The following PTPRG variants were observed in gnomAD, a reference collection of about 807,000 sequenced individuals.
PTPRG encodes the protein receptor-type tyrosine-protein phosphatase gamma.
In PTPRG, 102 loss-of-function variants were observed where a neutral mutation model predicts 165.3. The observed-to-expected ratio is 0.62, with a 90% CI of 0.53 to 0.73. The LOEUF (loss-of-function observed/expected upper bound fraction) is 0.73, where lower values mean the gene tolerates loss of function less well. PTPRG is among the 30% of genes least tolerant of loss of function. The probability of loss-of-function intolerance (pLI) is 0.00; values close to 1 mark genes in which losing one functional copy is unlikely to be tolerated. For synonymous variants in PTPRG, 675 were observed against 669.5 expected (o/e 1.01, Z -0.13); for missense variants, 1,866 against 1,861.4 (o/e 1.00, Z -0.05).
At chr3:61,747,502 T>A (rs770982303) in intron 1 of PTPRG, among the ~76,000 whole-genome samples, 1 of 152,208 alleles carries the variant, frequency 6.6e-6, no homozygotes, top group Non-Finnish European at 1.5e-5. Context: ...TTTTTAGGCT[T>A]GTGTTGAGAA....
intron 1 of PTPRG, among the ~76,000 whole-genome samples, chr3:61,672,756 GAGGGAGAAGAGGGAGAGGGA>G (rs1703068750): frequency 6.9e-6 from 1 of 144,534 alleles, no homozygotes; most frequent in Admixed American, 6.8e-5. Flanking sequence ...GGGAGAGGGA[GAGGGAGAAGAGGGAGAGGGA>G]GAGAGGGAGA....
chr3:61,794,858 T>G (rs1035292514), intron 2 of PTPRG, among the ~76,000 whole-genome samples: 2 of 152,196 alleles, frequency 1.3e-5, no homozygotes, highest in Non-Finnish European at 2.9e-5. Context: ...TGTTTTATAC[T>G]CTATAACTTC....
At chr3:61,903,514 C>G (rs1240160479) in intron 2 of PTPRG, among the ~76,000 whole-genome samples, 5 of 152,158 alleles carry the variant, frequency 3.3e-5, no homozygotes, top group Admixed American at 3.3e-4. Context: ...GTTGGGATTA[C>G]AGGTGCCTAC....
At chr3:62,256,280 C>T (rs1310221996) in intron 16 of PTPRG, among the ~76,000 whole-genome samples, 2 of 152,214 alleles carry the variant, frequency 1.3e-5, no homozygotes, top group South Asian at 4.1e-4. Flanking sequence ...GAAATAAAAA[C>T]AGGATGAAAA....
intron 2 of PTPRG, among the ~76,000 whole-genome samples, chr3:61,791,834 A>G (rs2034884583): frequency 6.6e-6 from 1 of 152,202 alleles, no homozygotes; most frequent in Admixed American, 6.5e-5. Flanking sequence ...TCTATAAACT[A>G]CAAGTGTCTG....
intron 2 of PTPRG, among the ~76,000 whole-genome samples, chr3:61,838,906 A>G (rs937699539): frequency 5.9e-5 from 9 of 152,220 alleles, no homozygotes; most frequent in Middle Eastern, 6.3e-3. Flanking sequence ...GGAGCTATAT[A>G]AAATCTAAGC....
At chr3:61,604,575 C>A (rs1242436089) in intron 1 of PTPRG, among the ~76,000 whole-genome samples, 3 of 152,258 alleles carry the variant, frequency 2.0e-5, no homozygotes, top group East Asian at 1.9e-4. Flanking sequence ...CTCAACCAGC[C>A]TGTAATGTAA....
chr3:62,265,896 T>TACACACACACACACAC (rs143246257), intron 17 of PTPRG, among the ~76,000 whole-genome samples: 1,656 of 130,552 alleles, frequency 0.013, 21 homozygotes, highest in Middle Eastern at 0.036. Context: ...GTGCCTTATA[T>TACACACACACACACAC]ACACACACAC....
chr3:61,607,005 G>A (rs1411852193), intron 1 of PTPRG, among the ~76,000 whole-genome samples: 1 of 152,230 alleles, frequency 6.6e-6, no homozygotes, highest in Non-Finnish European at 1.5e-5. Context: ...CGTGATAGAA[G>A]TGAGGATGAA....
intron 2 of PTPRG, among the ~76,000 whole-genome samples, chr3:61,886,325 A>C (rs929848931): frequency 6.6e-6 from 1 of 152,132 alleles, no homozygotes; most frequent in Non-Finnish European, 1.5e-5. Flanking sequence ...GACACACAAA[A>C]GTAAACCTTT....
chr3:61,603,201 A>C (rs1205324865), intron 1 of PTPRG, among the ~76,000 whole-genome samples: 1 of 152,158 alleles, frequency 6.6e-6, no homozygotes, highest in East Asian at 1.9e-4. Context: ...CCTTAGGGCT[A>C]CTGATAAAGT....
intron 5 of PTPRG, among the ~76,000 whole-genome samples, chr3:62,104,521 G>A: frequency 6.6e-6 from 1 of 152,270 alleles, no homozygotes; most frequent in South Asian, 2.1e-4. Flanking sequence ...TGCTCATTCA[G>A]TTATCCACTT....
intron 2 of PTPRG, among the ~76,000 whole-genome samples, chr3:61,960,807 C>T (rs2040134681): frequency 6.6e-6 from 1 of 152,032 alleles, no homozygotes; most frequent in African/African-American, 2.4e-5. Context: ...GTGTTCTGAC[C>T]ACTGTCCCCT....
At chr3:61,740,821 CAGTA>C (rs1346018662) in intron 1 of PTPRG, among the ~76,000 whole-genome samples, 3 of 151,966 alleles carry the variant, frequency 2.0e-5, no homozygotes, top group Non-Finnish European at 4.4e-5. Context: ...ATAGTTGAAA[CAGTA>C]AGTATATTTG....
intron 1 of PTPRG, among the ~76,000 whole-genome samples, chr3:61,747,923 C>T (rs562773200): frequency 1.2e-4 from 19 of 152,048 alleles, no homozygotes; most frequent in African/African-American, 3.9e-4. Flanking sequence ...TGACATTTGT[C>T]TTCTTATACA....
chr3:61,634,912 A>G lies in PTPRG; in HGVS notation c.85+72540A>G, dbSNP rs114823500. Among the ~76,000 whole-genome samples, 598 of 152,346 alleles carry G rather than the reference A, an allele frequency of 3.9e-3. 4 individuals carry two copies. Among genetic ancestry groups the G allele is most frequent in the African/African-American group, 0.014 (562 of 41,578 alleles). ...AGTGAGCTGATTTCAAGCTGTTGAT[A>G]TAGTTCAGACCTTGGCAGTTCTCTA... On this transcript the variant is annotated intron_variant, in intron 1 of 29. Coordinates refer to ENST00000474889, the MANE Select transcript of PTPRG (RefSeq NM_002841.4).
intron 2 of PTPRG, among the ~76,000 whole-genome samples, chr3:61,886,151 G>T (rs1049061533): frequency 1.3e-5 from 2 of 152,068 alleles, no homozygotes; most frequent in East Asian, 2.0e-4. Context: ...AGATAACTTC[G>T]CTATTCCTGC....
chr3:61,904,840 T>G (rs1000023551), intron 2 of PTPRG, among the ~76,000 whole-genome samples: 1 of 152,198 alleles, frequency 6.6e-6, no homozygotes, highest in African/African-American at 2.4e-5. Context: ...ACCCTGGGTT[T>G]TCATCCTAGT....
intron 1 of PTPRG, among the ~76,000 whole-genome samples, chr3:61,584,292 G>A (rs1405172799): frequency 6.6e-6 from 1 of 152,180 alleles, no homozygotes; most frequent in Non-Finnish European, 1.5e-5. Flanking sequence ...AGGCCCTGGA[G>A]GATGAGATGA....
Sources: allele counts gnomAD v4.1 joint callset (sites outside exome capture counted in the v4.1 genomes callset), GRCh38; gene constraint gnomAD v4.1.1; transcripts MANE v1.5; gene names NCBI Gene and HGNC (gene_info 2026-07-23, HGNC 2026-07-21).